Variants in SUFU observed in about 807,000 individuals in gnomAD.
SUFU encodes SUFU negative regulator of hedgehog signaling, also known as suppressor of fused homolog.
A neutral mutation model predicts 58.9 loss-of-function variants in SUFU; 7 were observed. The observed-to-expected ratio is 0.12, with a 90% CI of 0.07 to 0.22. The LOEUF (loss-of-function observed/expected upper bound fraction) is 0.22. Ranked by LOEUF, SUFU falls within the 10% of genes least tolerant of loss-of-function variation. The pLI, the probability that SUFU is intolerant of heterozygous loss-of-function variation, is 1.00. For missense variants in SUFU, 451 were observed against 641.3 expected (o/e 0.70, Z 3.20); for synonymous variants, 232 against 254.8 (o/e 0.91, Z 0.85).
In SUFU at chr10:102,607,118, G is replaced by A. The variant is rs183368001; in HGVS notation, c.1022+7574G>A. ...CTGTCGCCTTGGCTGGAGTGCAGTG[G>A]TGTGATCTCAACCTCTGCCTCCTGA... On this transcript the variant is annotated intron_variant, in intron 8 of 11. Coordinates refer to ENST00000369902, the MANE Select transcript of SUFU (RefSeq NM_016169.4). Among the ~76,000 whole-genome samples, 268 of 151,604 alleles carry A rather than the reference G, an allele frequency of 1.8e-3. 1 individual carries two copies. Among genetic ancestry groups the A allele is most frequent in the Non-Finnish European group, 3.1e-3 (211 of 67,926 alleles).
At chr10:102,609,403 C>T (rs1319342632) in intron 8 of SUFU, among the ~76,000 whole-genome samples, 1 of 152,164 alleles carries the variant, frequency 6.6e-6, no homozygotes, top group Non-Finnish European at 1.5e-5. Context: ...AGAATTTGAA[C>T]AAATGCTGGA....
In SUFU at chr10:102,552,541, TTG is replaced by T. The variant is rs1452779692; in HGVS notation, c.454+2437_454+2438del. On this transcript the variant is annotated intron_variant, in intron 3 of 11. Transcript: ENST00000369902. ...AAGGAAACATGGCAGTTTAAATGCA[TTG>T]TTGATCCTTGATTAGATCCTGAATT... Among the ~76,000 whole-genome samples the T allele has an allele frequency of 5.3e-5, 8 of 152,298 alleles. No homozygotes were observed. The East Asian group carries it at 1.5e-3, about 29-fold the overall frequency.
chr10:102,585,680 G>T (rs576412775), intron 3 of SUFU, among the ~76,000 whole-genome samples: 3 of 151,260 alleles, frequency 2.0e-5, no homozygotes, highest in South Asian at 2.1e-4. Flanking sequence ...CTAATTTTTT[G>T]TTTGTTTGTT....
At chr10:102,535,283 G>A (rs2062723993) in intron 2 of SUFU, among the ~76,000 whole-genome samples, 4 of 152,106 alleles carry the variant, frequency 2.6e-5, no homozygotes, top group South Asian at 4.2e-4. Flanking sequence ...TCTGGAGTTC[G>A]AGACCATCCT....
intron 3 of SUFU, among the ~76,000 whole-genome samples, chr10:102,562,757 G>A (rs1276595140): frequency 6.6e-6 from 1 of 151,522 alleles, no homozygotes; most frequent in African/African-American, 2.4e-5. Flanking sequence ...TGAGAATGAT[G>A]GTGCATATCT....
intron 3 of SUFU, among the ~76,000 whole-genome samples, chr10:102,551,306 A>G (rs1251691174): frequency 6.6e-6 from 1 of 152,120 alleles, no homozygotes; most frequent in African/African-American, 2.4e-5. Context: ...CTGATTTCCA[A>G]ACCTTCCTGT....
intron 8 of SUFU, among the ~76,000 whole-genome samples, chr10:102,603,721 TAC>T (rs961370085): frequency 1.3e-5 from 2 of 151,980 alleles, no homozygotes; most frequent in South Asian, 2.1e-4. Flanking sequence ...CTCCCCAACA[TAC>T]ACACACACAC....
chr10:102,588,625 G>A (rs1232340816), intron 3 of SUFU, among the ~76,000 whole-genome samples: 1 of 152,140 alleles, frequency 6.6e-6, no homozygotes, highest in African/African-American at 2.4e-5. Context: ...TCCACGTGAA[G>A]TTTTGAATCC....
At chr10:102,521,547 A>G (rs532231486) in intron 2 of SUFU, among the ~76,000 whole-genome samples, 1 of 152,236 alleles carries the variant, frequency 6.6e-6, no homozygotes, top group Admixed American at 6.5e-5. Flanking sequence ...GTCTTCCATA[A>G]AGTGTAGCTG....
chr10:102,519,873 G>A (rs190554246), intron 2 of SUFU, among the ~76,000 whole-genome samples: 1 of 152,128 alleles, frequency 6.6e-6, no homozygotes, highest in African/African-American at 2.4e-5. Context: ...CTGGGTTCAA[G>A]CAATTCTCCT....
At chr10:102,620,078 A>G (rs1196537541) in intron 10 of SUFU, among the ~76,000 whole-genome samples, 1 of 152,202 alleles carries the variant, frequency 6.6e-6, no homozygotes, top group Non-Finnish European at 1.5e-5. Flanking sequence ...AGTGAAATCC[A>G]ATAGACCCAG....
chr10:102,603,565 T>G (rs137944449), intron 8 of SUFU, among the ~76,000 whole-genome samples: 1 of 152,316 alleles, frequency 6.6e-6, no homozygotes, highest in East Asian at 1.9e-4. Context: ...AAAAGCGAAC[T>G]CACCATCACT....
At chr10:102,532,487 C>CA (rs1308345998) in intron 2 of SUFU, among the ~76,000 whole-genome samples, 1 of 152,198 alleles carries the variant, frequency 6.6e-6, no homozygotes, top group Non-Finnish European at 1.5e-5. Flanking sequence ...AGGCTGTGGT[C>CA]AGAGTGTCAG....
intron 2 of SUFU, among the ~76,000 whole-genome samples, chr10:102,516,125 C>CTTT (rs60544094): frequency 0.4 from 49,839 of 124,318 alleles, 9,785 homozygotes; most frequent in Middle Eastern, 0.52. Flanking sequence ...TCTTTCTTTT[C>CTTT]TTTTTTTTTT....
At chr10:102,547,785 G>T (rs2062868944) in intron 2 of SUFU, among the ~76,000 whole-genome samples, 1 of 152,002 alleles carries the variant, frequency 6.6e-6, no homozygotes, top group Non-Finnish European at 1.5e-5. Context: ...TCACACCATT[G>T]TATAGAGCAA....
At chr10:102,623,832 C>T (rs1422049302) in intron 10 of SUFU, among the ~76,000 whole-genome samples, 2 of 152,032 alleles carry the variant, frequency 1.3e-5, no homozygotes, top group South Asian at 2.1e-4. Context: ...CCCAGCTACT[C>T]GGGAGGCTGA....
intron 8 of SUFU, among the ~76,000 whole-genome samples, chr10:102,612,754 G>A (rs1208214404): frequency 2.6e-5 from 4 of 152,182 alleles, no homozygotes; most frequent in Non-Finnish European, 5.9e-5. Flanking sequence ...GTGATTGTGA[G>A]AGTCACCCCC....
chr10:102,591,728 A>ATT (rs1272615540), intron 3 of SUFU: 1 of 152,128 alleles, frequency 6.6e-6, no homozygotes. Flanking sequence ...GAGCCTGTGG[A>ATT]TGCATAGGCT....
At chr10:102,505,977 C>A (rs915210699) in intron 1 of SUFU, among the ~76,000 whole-genome samples, 5 of 150,028 alleles carry the variant, frequency 3.3e-5, no homozygotes, top group Non-Finnish European at 7.4e-5. Context: ...CTTGAGGATC[C>A]CTTGAGGCCA....
Sources: gnomAD v4.1 joint callset for allele counts (sites outside exome capture counted in the v4.1 genomes callset) on GRCh38, gnomAD v4.1.1 for gene constraint, MANE v1.5 for transcripts, NCBI Gene and HGNC (gene_info 2026-07-23, HGNC 2026-07-21) for gene names.